The following PNPT1 variants were observed in gnomAD, a reference collection of about 807,000 sequenced individuals.
PNPT1 encodes polyribonucleotide nucleotidyltransferase 1, mitochondrial.
In PNPT1, 53 loss-of-function variants were observed where a neutral mutation model predicts 119.5. The ratio of observed to expected loss-of-function variants is 0.44; its 90% CI spans 0.36 to 0.56. PNPT1 has a LOEUF of 0.56. Among genes scored for constraint, PNPT1 ranks in the 20% least tolerant of loss-of-function variants. The probability of loss-of-function intolerance (pLI) is 0.00; values close to 1 mark genes in which losing one functional copy is unlikely to be tolerated. For synonymous variants in PNPT1, 357 were observed against 322.1 expected (o/e 1.11, Z -1.16); for missense variants, 948 against 938.5 (o/e 1.01, Z -0.13).
At chr2:55,675,627 G>A (rs1697042952) in intron 8 of PNPT1, among the ~76,000 whole-genome samples, 1 of 152,008 alleles carries the variant, frequency 6.6e-6, no homozygotes, top group Non-Finnish European at 1.5e-5. Flanking sequence ...GAACCCCACA[G>A]TTTGAGGCTG....
chr2:55,652,756 T>G (rs547698472), intron 18 of PNPT1, among the ~76,000 whole-genome samples: 1 of 152,366 alleles, frequency 6.6e-6, no homozygotes, highest in Non-Finnish European at 1.5e-5. Context: ...TACCCTCTAC[T>G]GCAAATGCAG....
intron 5 of PNPT1, among the ~76,000 whole-genome samples, chr2:55,682,117 T>C (rs539185042): frequency 6.6e-6 from 1 of 151,950 alleles, no homozygotes; most frequent in African/African-American, 2.4e-5. Flanking sequence ...TACTCCAGCC[T>C]GGTCGACAGA....
chr2:55,679,248 G>A (rs1226465089), intron 8 of PNPT1, among the ~76,000 whole-genome samples: 2 of 151,998 alleles, frequency 1.3e-5, no homozygotes. Context: ...TTCTCAAGAG[G>A]ATACCAAGCA....
intron 8 of PNPT1, 125 bp from the exon 9 acceptor site, chr2:55,673,204 C>T (rs1435063434): frequency 5.8e-6 from 4 of 692,462 alleles, no homozygotes; most frequent in Non-Finnish European, 8.8e-6. Context: ...ATAGATCCAC[C>T]TTGATTTCTT....
intron 7 of PNPT1, 37 bp downstream of exon 7, chr2:55,680,675 T>A: frequency 6.4e-7 from 1 of 1,570,962 alleles, no homozygotes; most frequent in Non-Finnish European, 8.7e-7. Context: ...AAAAAAAAAA[T>A]ACACATATGA....
chr2:55,646,356 T>C, intron 20 of PNPT1, 34 bp from the exon 21 acceptor site: 3 of 1,599,722 alleles, frequency 1.9e-6, no homozygotes, highest in East Asian at 2.2e-5. Context: ...TATATAAATA[T>C]TGACTCATGG....
rs527353312 is a variant in PNPT1 at position 55,671,294 on chromosome 2, T to A, written c.976+25A>T. On this transcript the variant is annotated intron_variant, in intron 11 of 27. Transcript: ENST00000447944. ...ATTAAAGCTGCCCTCAGCAAAAAAA[T>A]AAAATAAAATAAAATAAAATTTACC... 74 of 1,335,432 alleles carry A rather than the reference T, an allele frequency of 5.5e-5. No homozygotes were observed. The African/African-American group carries it at 9.0e-4, about 16-fold the overall frequency. 82.7% of individuals were successfully genotyped at this position (1,335,432 alleles called of 1,614,324 possible). A position where few individuals can be genotyped will look rare whatever the true frequency, so the allele number is the denominator to read the frequency against.
chr2:55,687,880 G>A lies in PNPT1; in HGVS notation c.162-175C>T, dbSNP rs1043850016. Among the ~76,000 whole-genome samples the A allele has an allele frequency of 3.5e-4, 53 of 152,270 alleles. 1 individual carries two copies. The highest frequency in any genetic ancestry group is 6.8e-3 in the Middle Eastern group (2 of 294). On this transcript the variant is annotated intron_variant, in intron 1 of 27. Transcript: ENST00000447944. Reference sequence around the variant, plus strand: ...TCAAAAGTAAAAGTGGAATTTAAGAGTGGCTTAAAGAAGAATACGGAAACC... The same window carrying A: ...TCAAAAGTAAAAGTGGAATTTAAGAATGGCTTAAAGAAGAATACGGAAACC...
chr2:55,685,615 A>G (rs1435385651), intron 3 of PNPT1, among the ~76,000 whole-genome samples: 1 of 152,218 alleles, frequency 6.6e-6, no homozygotes, highest in African/African-American at 2.4e-5. Flanking sequence ...GATCAAGTCA[A>G]ACATTGCTTT....
At chr2:55,650,460 G>A (rs1296812754) in intron 18 of PNPT1, among the ~76,000 whole-genome samples, 1 of 152,172 alleles carries the variant, frequency 6.6e-6, no homozygotes, top group Non-Finnish European at 1.5e-5. Flanking sequence ...TGGTGCCCAG[G>A]CTGGAGTGCA....
rs200846420 is a variant in PNPT1 at position 55,687,745 on chromosome 2, C to A, written c.162-40G>T. The A allele has an allele frequency of 2.1e-3, 3,047 of 1,454,706 alleles. 13 individuals carry two copies. The highest frequency in any genetic ancestry group is 3.1e-3 in the Admixed American group (154 of 49,632). The allele number at this position is 1,454,706 out of a possible 1,614,324, so 90.1% of individuals were successfully genotyped here. ...AAATGCAATACAAGAAGACTTAGGT[C>A]ATCTGTACAATTCCTGCTTAGTATA... On this transcript the variant is annotated intron_variant, in intron 1 of 27. Coordinates refer to ENST00000447944, the MANE Select transcript of PNPT1 (RefSeq NM_033109.5).
At chr2:55,683,723 CAG>C in intron 5 of PNPT1, 60 bp downstream of exon 5, 1 of 1,416,976 alleles carries the variant, frequency 7.1e-7, no homozygotes. Context: ...GGAAATATTA[CAG>C]AGATTCATTA....
intron 15 of PNPT1, among the ~76,000 whole-genome samples, chr2:55,656,711 G>C (rs1696398951): frequency 6.6e-6 from 1 of 152,134 alleles, no homozygotes; most frequent in Non-Finnish European, 1.5e-5. Context: ...AGTACACATT[G>C]AAGAATCACA....
chr2:55,638,207 C>A (rs953088772), intron 26 of PNPT1, among the ~76,000 whole-genome samples: 3 of 150,878 alleles, frequency 2.0e-5, no homozygotes, highest in African/African-American at 7.3e-5. Context: ...GAGGCTGAGG[C>A]AGGAGAATTG....
chr2:55,662,028 TA>T lies in PNPT1; in HGVS notation c.1177-3del. 3 of 1,559,276 alleles carry T rather than the reference TA, an allele frequency of 1.9e-6. No homozygotes were observed. The highest frequency in any genetic ancestry group is 2.6e-6 in the Non-Finnish European group (3 of 1,160,616). ...ATCAAATGTAACGGTACAAAGCACC[TA>T]AAAAAGAAAAAGAATTCCTCAGGCT... On this transcript the variant is annotated splice_region_variant and splice_polypyrimidine_tract_variant and intron_variant, in intron 13 of 27. Transcript: ENST00000447944.
Position 55,681,705 on chromosome 2 carries a change from C to T in PNPT1, c.454-787G>A, listed in dbSNP as rs200117284. ...ACTAAAAATACAAAAATTAGCCGTG[C>T]GTGGTAGTGCACGCCTATAATCCCA... On this transcript the variant is annotated intron_variant, in intron 5 of 27. Coordinates refer to ENST00000447944, the MANE Select transcript of PNPT1 (RefSeq NM_033109.5). Among the ~76,000 whole-genome samples the T allele has an allele frequency of 1.1e-4, 17 of 151,538 alleles. No individual in the cohort carries two copies. The East Asian group carries it at 2.6e-3, about 23-fold the overall frequency.
At chr2:55,686,283 C>T (rs2104178475) in intron 3 of PNPT1, 87 bp downstream of exon 3, 3 of 1,206,562 alleles carry the variant, frequency 2.5e-6, no homozygotes, top group African/African-American at 3.1e-5. Context: ...TTGTATTTTC[C>T]ACTCACTAGA....
At chr2:55,645,079 A>G (rs1285537068) in intron 22 of PNPT1, 1 of 258,268 alleles carries the variant, frequency 3.9e-6, no homozygotes, top group Non-Finnish European at 7.1e-6. Context: ...GCTGGAGTGC[A>G]GTGGCGCGAT....
intron 26 of PNPT1, among the ~76,000 whole-genome samples, chr2:55,639,319 A>G (rs1664327241): frequency 6.6e-6 from 1 of 152,180 alleles, no homozygotes; most frequent in Admixed American, 6.5e-5. Flanking sequence ...TGTAGCACAA[A>G]TCATGAATTC....
Sources: allele counts gnomAD v4.1 joint callset (sites outside exome capture counted in the v4.1 genomes callset), GRCh38; gene constraint gnomAD v4.1.1; transcripts MANE v1.5; gene names NCBI Gene and HGNC (gene_info 2026-07-23, HGNC 2026-07-21).